CCDC180: variants seen among roughly 807,000 people sequenced by gnomAD.
CCDC180 encodes coiled-coil domain containing 180.
In CCDC180, 154 loss-of-function variants were observed where a neutral mutation model predicts 209.2. The observed-to-expected ratio is 0.74, with a 90% CI of 0.65 to 0.84. The LOEUF is 0.84. Ranked by LOEUF, CCDC180 falls within the 40% of genes least tolerant of loss-of-function variation. The probability of loss-of-function intolerance (pLI) is 0.00; values close to 1 mark genes in which losing one functional copy is unlikely to be tolerated. For missense variants in CCDC180, 1,874 were observed against 1,997.3 expected, an observed-to-expected ratio of 0.94 and a Z score of 1.18; for synonymous variants, 778 against 749.1, an observed-to-expected ratio of 1.04 and a Z score of -0.63.
In CCDC180 at chr9:97,371,019, A is replaced by T. The variant is rs1827082306; in HGVS notation, c.4488+241A>T. ...TCGCCCAGGCCGGACTGCGGACTGC[A>T]GTGGCGCAATCTCGGCTCACTGCAA... On this transcript the variant is annotated intron_variant, in intron 33 of 36. Coordinates refer to ENST00000529487, the MANE Select transcript of CCDC180 (RefSeq NM_020893.6). 1.4e-5 allele frequency: 3 copies of T among 215,956 alleles called. No individual in the cohort carries two copies. The South Asian group carries it at 2.6e-4, about 19-fold the overall frequency. The allele number at this position is 215,956 out of a possible 1,614,324, so 13.4% of individuals were successfully genotyped here.
At chr9:97,367,106 C>G (rs933446435) in intron 31 of CCDC180, among the ~76,000 whole-genome samples, 2 of 152,176 alleles carry the variant, frequency 1.3e-5, no homozygotes, top group African/African-American at 4.8e-5. Context: ...CCCTCCCCAG[C>G]CTAAAGCAAC....
rs376237727 is a variant in CCDC180, at chr9:97,308,143, C to T, written c.69+11C>T. ...ATCTTCCAGGCTGAGGTAGGAGCCG[C>T]CCTCTGTCCCGCTTTTCTCCATCCC... On this transcript the variant is annotated intron_variant, in intron 2 of 36. Coordinates refer to ENST00000529487, the MANE Select transcript of CCDC180 (RefSeq NM_020893.6). 5 of 1,576,872 alleles carry T rather than the reference C, an allele frequency of 3.2e-6. No homozygotes were observed. The highest frequency in any genetic ancestry group is 4.3e-6 in the Non-Finnish European group (5 of 1,162,652).
intron 18 of CCDC180, among the ~76,000 whole-genome samples, chr9:97,336,112 C>T (rs540393078): frequency 1.3e-5 from 2 of 152,262 alleles, no homozygotes; most frequent in South Asian, 2.1e-4. Context: ...CAAAAATTTT[C>T]TCCCATTCTG....
chr9:97,347,630 A>G (rs767809129), intron 20 of CCDC180, 141 bp downstream of exon 20: 7 of 793,852 alleles, frequency 8.8e-6, no homozygotes, highest in African/African-American at 1.7e-5. Flanking sequence ...TGGAAGATGT[A>G]CATGAGGGTT....
Position 97,357,700 on chromosome 9 carries a change from G to T in CCDC180, c.3338G>T (p.Cys1113Phe). The change falls in exon 25 of 37, where the codon TGT becomes TTT. Residue 1113 changes from cysteine (C) to phenylalanine (F), a missense_variant. By Grantham distance (205) the Cys-to-Phe change is radical. Transcript: ENST00000529487. ...CAGCTTCAGAACAAGATAAAAACTT[G>T]TCAAGAGTCCAGGGGAGAGAAAACC... is the stretch of plus-strand genomic sequence containing the variant. Reference protein sequence around the residue: ...LQQLQNKIKTCQESRGEKTTV... With the variant: ...LQQLQNKIKTFQESRGEKTTV... 6.2e-7 allele frequency: 1 copy of T among 1,612,854 alleles called. No homozygotes were observed. Among genetic ancestry groups the T allele is most frequent in the Non-Finnish European group, 8.5e-7 (1 of 1,179,432 alleles).
intron 5 of CCDC180, 67 bp downstream of exon 5, chr9:97,313,412 C>T (rs1833056322): frequency 5.3e-6 from 6 of 1,139,842 alleles, no homozygotes; most frequent in African/African-American, 1.5e-5. Flanking sequence ...TGTCATGGCT[C>T]CCAGCCTTCC....
chr9:97,322,995 C>T, intron 12 of CCDC180, 74 bp downstream of exon 12: 2 of 1,134,208 alleles, frequency 1.8e-6, no homozygotes, highest in Non-Finnish European at 2.6e-6. Context: ...GGCCCCATAC[C>T]CACTGCCTTC....
intron 2 of CCDC180, 87 bp from the exon 3 acceptor site, chr9:97,309,327 C>A: frequency 7.3e-7 from 1 of 1,370,418 alleles, no homozygotes; most frequent in Non-Finnish European, 1.0e-6. Context: ...CTCTGGATGT[C>A]TTTCTAGACA....
intron 18 of CCDC180, among the ~76,000 whole-genome samples, chr9:97,333,293 A>C (rs957699321): frequency 1.3e-5 from 2 of 152,108 alleles, no homozygotes; most frequent in African/African-American, 4.8e-5. Flanking sequence ...GATTTTTTGC[A>C]TCAATGTTAA....
At chr9:97,335,628 C>T (rs1374575188) in intron 18 of CCDC180, among the ~76,000 whole-genome samples, 1 of 152,156 alleles carries the variant, frequency 6.6e-6, no homozygotes, top group African/African-American at 2.4e-5. Context: ...AATAGTGCCG[C>T]AATAAACGTA....
chr9:97,341,629 G>A (rs113905133), intron 18 of CCDC180, among the ~76,000 whole-genome samples: 3,870 of 152,252 alleles, frequency 0.025, 160 homozygotes, highest in African/African-American at 0.087. Flanking sequence ...TAGGCTACAC[G>A]GGTGTCAGGG....
In CCDC180 at chr9:97,309,395, T is replaced by G; in HGVS notation, c.70-19T>G. On this transcript the variant is annotated intron_variant, in intron 2 of 36. Transcript: ENST00000529487. ...GCAGCTCTGACCACTCCCCCATCCTTGGTCCTCCCTGGATTCAGGTGCAGC... is the reference window on the plus strand; with the variant it reads ...GCAGCTCTGACCACTCCCCCATCCTGGGTCCTCCCTGGATTCAGGTGCAGC... The G allele has an allele frequency of 6.3e-7, 1 of 1,594,786 alleles. No individual in the cohort carries two copies. The highest frequency in any genetic ancestry group is 8.5e-7 in the Non-Finnish European group (1 of 1,172,334).
At chr9:97,346,667 C>A (rs559457755) in intron 19 of CCDC180, among the ~76,000 whole-genome samples, 23 of 152,300 alleles carry the variant, frequency 1.5e-4, no homozygotes, top group African/African-American at 5.1e-4. Flanking sequence ...GGCTGGAGTT[C>A]AGTGGCATGA....
intron 14 of CCDC180, 149 bp from the exon 15 acceptor site, chr9:97,326,405 G>C (rs1174146867): frequency 2.9e-5 from 19 of 650,078 alleles, no homozygotes; most frequent in Non-Finnish European, 5.0e-5. Flanking sequence ...GGTGGTGGCA[G>C]ATTGGGTACC....
At chr9:97,321,868 A>G (rs1359671530) in intron 11 of CCDC180, among the ~76,000 whole-genome samples, 2 of 152,220 alleles carry the variant, frequency 1.3e-5, no homozygotes, top group African/African-American at 2.4e-5. Flanking sequence ...AAGCAGGGAT[A>G]CAGTGTACAG....
In CCDC180 at chr9:97,330,696, G is replaced by A; in HGVS notation, c.2203G>A (p.Glu735Lys). ...AGATGAGAAGGAGGAAGAGGAGGAG[G>A]AGGAGAAGCTGGAGGAAGAGAAGGA... ...EEDEKEEEEEEEKLEEEKEEK... is the reference protein window; with the variant it reads ...EEDEKEEEEEKEKLEEEKEEK... The change falls in exon 18 of 37, where the codon GAG becomes AAG. Residue 735 changes from glutamate to lysine, a missense_variant. Coordinates refer to ENST00000529487, the MANE Select transcript of CCDC180 (RefSeq NM_020893.6). 1.9e-6 allele frequency: 3 copies of A among 1,609,800 alleles called. No individual in the cohort carries two copies. The highest frequency in any genetic ancestry group is 2.5e-6 in the Non-Finnish European group (3 of 1,179,414).
At chr9:97,343,652 G>A in intron 19 of CCDC180, 89 bp downstream of exon 19, 1 of 1,009,012 alleles carries the variant, frequency 9.9e-7, no homozygotes, top group Non-Finnish European at 1.4e-6. Flanking sequence ...GATTGGGCTG[G>A]TATCAGTTGG....
chr9:97,320,589 A>G lies in CCDC180; in HGVS notation c.1159+384A>G, dbSNP rs563174680. Among the ~76,000 whole-genome samples the G allele has an allele frequency of 3.3e-5, 5 of 152,298 alleles. No homozygotes were observed. In the South Asian group the frequency reaches 8.3e-4, roughly 25 times the overall value. On this transcript the variant is annotated intron_variant, in intron 11 of 36. Transcript: ENST00000529487. Reference sequence around the variant, plus strand: ...CCTTGGGAAAATCAGGGCCTCTGGTAGCCTCAATGTCCTCCTCTGTAAAAT... The same window carrying G: ...CCTTGGGAAAATCAGGGCCTCTGGTGGCCTCAATGTCCTCCTCTGTAAAAT...
intron 11 of CCDC180, among the ~76,000 whole-genome samples, chr9:97,322,137 T>G (rs999793377): frequency 3.3e-5 from 5 of 152,146 alleles, no homozygotes; most frequent in Non-Finnish European, 5.9e-5. Context: ...AGGGTGTGGA[T>G]ACCTTGGCCT....
Sources: allele counts gnomAD v4.1 joint callset (sites outside exome capture counted in the v4.1 genomes callset), GRCh38; gene constraint gnomAD v4.1.1; transcripts MANE v1.5; gene names NCBI Gene and HGNC (gene_info 2026-07-23, HGNC 2026-07-21).